PPP4R3A: variants seen among roughly 807,000 people sequenced by gnomAD.
PPP4R3A encodes the protein protein phosphatase 4 regulatory subunit 3A.
A neutral mutation model predicts 91.7 loss-of-function variants in PPP4R3A; 15 were observed. That is an observed-to-expected ratio of 0.16 (90% CI 0.11 to 0.25). The LOEUF is 0.25. PPP4R3A is among the 10% of genes least tolerant of loss of function. PPP4R3A has a pLI of 1.00. For missense variants in PPP4R3A, 623 were observed against 998.4 expected, an observed-to-expected ratio of 0.62 and a Z score of 5.07; for synonymous variants, 377 against 348.7, an observed-to-expected ratio of 1.08 and a Z score of -0.91.
chr14:91,458,089 A>T lies in PPP4R3A; in HGVS notation c.*670T>A, dbSNP rs1363408366. ...GCATACACTCAGGGGAGGAAAAAAAAAATCAAAAACAAAATAAAACAAAAA... is the reference window on the plus strand; with the variant it reads ...GCATACACTCAGGGGAGGAAAAAAATAATCAAAAACAAAATAAAACAAAAA... On this transcript the variant is annotated 3_prime_UTR_variant, in exon 15 of 15. Coordinates refer to ENST00000554943, the MANE Select transcript of PPP4R3A (RefSeq NM_001366432.2). 1 of 153,084 alleles carries T rather than the reference A, an allele frequency of 6.5e-6. No homozygotes were observed. The highest frequency in any genetic ancestry group is 1.5e-5 in the Non-Finnish European group (1 of 68,504). 9.5% of individuals were successfully genotyped at this position (153,084 alleles called of 1,614,324 possible). A position where few individuals can be genotyped will look rare whatever the true frequency, so the allele number is the denominator to read the frequency against.
chr14:91,510,089 G>T lies in PPP4R3A; in HGVS notation c.-442C>A. On this transcript the variant is annotated 5_prime_UTR_variant, in exon 1 of 15. Coordinates refer to ENST00000554943, the MANE Select transcript of PPP4R3A (RefSeq NM_001366432.2). ...CTTCCTTATACCTGGCCCTGCCACC[G>T]CGGCCAGTGGCTCCCTTCCGCTCCC... 3.6e-6 allele frequency: 1 copy of T among 276,076 alleles called. No homozygotes were observed. Among genetic ancestry groups the T allele is most frequent in the Non-Finnish European group, 5.5e-6 (1 of 180,428 alleles). The allele number at this position is 276,076 out of a possible 1,614,324, so 17.1% of individuals were successfully genotyped here.
chr14:91,481,429 A>G (rs1448509610), intron 4 of PPP4R3A, 147 bp downstream of exon 4: 2 of 826,956 alleles, frequency 2.4e-6, no homozygotes, highest in Non-Finnish European at 3.5e-6. Context: ...GTCTCGTATT[A>G]TTATTGTATA....
chr14:91,507,388 AG>A (rs1891388950), intron 1 of PPP4R3A, among the ~76,000 whole-genome samples: 1 of 83,794 alleles, frequency 1.2e-5, no homozygotes, highest in East Asian at 2.8e-4. Context: ...TATACTATAT[AG>A]TATATGTACT....
chr14:91,481,767 T>C lies in PPP4R3A; in HGVS notation c.724A>G (p.Lys242Glu). 6.2e-7 allele frequency: 1 copy of C among 1,613,712 alleles called. No homozygotes were observed. The highest frequency in any genetic ancestry group is 8.5e-7 in the Non-Finnish European group (1 of 1,179,910). The change falls in exon 4 of 15, where the codon AAA becomes GAA. Residue 242 changes from lysine to glutamate, a missense_variant. Lys to Glu is a moderately conservative substitution (Grantham distance 56, BLOSUM62 1). This residue lies in a region of PPP4R3A where 264 missense variants were observed against 377.3 expected (regional missense o/e 0.70). Transcript: ENST00000554943. ...QPRKHREFLTKTAKFKEVIPI... is the reference protein window; with the variant it reads ...QPRKHREFLTETAKFKEVIPI... ...ATCACTTCTTTAAACTTGGCTGTTT[T>C]TGTTAGAAATTCCCTGTGTTTTCGT...
rs1887908177 is a variant in PPP4R3A, at chr14:91,458,516, A to T, written c.*243T>A. 3.6e-6 allele frequency: 2 copies of T among 560,078 alleles called. No homozygotes were observed. The highest frequency in any genetic ancestry group is 6.4e-6 in the Non-Finnish European group (2 of 313,684). 34.7% of individuals were successfully genotyped at this position (560,078 alleles called of 1,614,324 possible). On this transcript the variant is annotated 3_prime_UTR_variant, in exon 15 of 15. Transcript: ENST00000554943. ...CTTTTTGTTTCCATTTCCTTCCCTG[A>T]GAAAAGGGCAATGTGTGGTCCAAGC...
chr14:91,461,645 C>T (rs1372478261), intron 13 of PPP4R3A, 38 bp from the exon 14 acceptor site: 1 of 1,581,742 alleles, frequency 6.3e-7, no homozygotes, highest in Non-Finnish European at 8.6e-7. Flanking sequence ...GTCCCCCATA[C>T]TTCTTTTTTA....
intron 9 of PPP4R3A, 92 bp downstream of exon 9, chr14:91,472,941 A>T: frequency 8.8e-7 from 1 of 1,141,832 alleles, no homozygotes; most frequent in Non-Finnish European, 1.3e-6. Context: ...TCTACCTCCC[A>T]CTAACTGCCT....
At position 91,476,439 on chromosome 14, in the gene PPP4R3A, A is replaced by G; in HGVS notation, c.1079T>C (p.Met360Thr). ...RDAFFKTLSN[M>T]GILPALEVIL... ...GACTTCTAAAGCTGGTAATATGCCCATGTTTGACAAAGTCTTGAAAAAAGC... is the reference window on the plus strand; with the variant it reads ...GACTTCTAAAGCTGGTAATATGCCCGTGTTTGACAAAGTCTTGAAAAAAGC... Residue 360 changes from methionine to threonine, a missense_variant, in exon 6 of 15, where the codon ATG (methionine) becomes ACG (threonine). Met to Thr is a moderately conservative substitution (Grantham distance 81). This residue lies in a region of PPP4R3A where 264 missense variants were observed against 377.3 expected (regional missense o/e 0.70). Coordinates refer to ENST00000554943, the MANE Select transcript of PPP4R3A (RefSeq NM_001366432.2). 6.2e-7 allele frequency: 1 copy of G among 1,612,216 alleles called. No homozygotes were observed. The highest frequency in any genetic ancestry group is 8.5e-7 in the Non-Finnish European group (1 of 1,179,498).
At chr14:91,463,446 T>A (rs916477428) in intron 11 of PPP4R3A, among the ~76,000 whole-genome samples, 6 of 152,078 alleles carry the variant, frequency 3.9e-5, no homozygotes, top group Admixed American at 3.9e-4. Flanking sequence ...GTATGTGTAT[T>A]TTTTAGAGAT....
At chr14:91,468,485 C>T (rs1392813204) in intron 10 of PPP4R3A, among the ~76,000 whole-genome samples, 5 of 151,904 alleles carry the variant, frequency 3.3e-5, no homozygotes, top group Non-Finnish European at 5.9e-5. Context: ...GCCTGACCAA[C>T]ATGGTGAAAC....
intron 10 of PPP4R3A, among the ~76,000 whole-genome samples, chr14:91,470,619 C>T (rs1888774482): frequency 6.6e-6 from 1 of 152,076 alleles, no homozygotes; most frequent in South Asian, 2.1e-4. Context: ...TGGAATATAA[C>T]ACTGTAGATA....
At chr14:91,480,636 T>C (rs1889499839) in intron 4 of PPP4R3A, among the ~76,000 whole-genome samples, 1 of 152,170 alleles carries the variant, frequency 6.6e-6, no homozygotes, top group African/African-American at 2.4e-5. Context: ...TGGTGACATT[T>C]CTCTTGGCTT....
chr14:91,491,633 T>C (rs2140136486), intron 1 of PPP4R3A, among the ~76,000 whole-genome samples: 1 of 150,514 alleles, frequency 6.6e-6, no homozygotes, highest in East Asian at 2.0e-4. Context: ...TCTCAATCTC[T>C]TGACCTCGTG....
Position 91,461,613 on chromosome 14 carries a change from A to C in PPP4R3A, c.2165-6T>G. The C allele has an allele frequency of 6.2e-7, 1 of 1,613,058 alleles. No homozygotes were observed. The highest frequency in any genetic ancestry group is 1.1e-5 in the South Asian group (1 of 91,010). ...CTTTTCCTCACTTTCTTTTACTAAA[A>C]ATGAGAATACTGTCAATAGTCGTCC... On this transcript the variant is annotated splice_polypyrimidine_tract_variant and splice_region_variant and intron_variant, in intron 13 of 14. Transcript: ENST00000554943.
At chr14:91,505,257 A>T (rs1047095066) in intron 1 of PPP4R3A, among the ~76,000 whole-genome samples, 5 of 152,102 alleles carry the variant, frequency 3.3e-5, no homozygotes, top group African/African-American at 1.2e-4. Flanking sequence ...GTTCAAGACC[A>T]GCCTGGCCAA....
At chr14:91,461,726 TC>T in intron 13 of PPP4R3A, 119 bp from the exon 14 acceptor site, 1 of 1,052,442 alleles carries the variant, frequency 9.5e-7, no homozygotes, top group Non-Finnish European at 1.4e-6. Flanking sequence ...ACATTGAAGT[TC>T]AATTTATAAA....
Position 91,476,916 on chromosome 14 carries a change from T to C in PPP4R3A, c.986A>G (p.Gln329Arg). The C allele has an allele frequency of 1.9e-6, 3 of 1,594,170 alleles. No individual in the cohort carries two copies. Among genetic ancestry groups the C allele is most frequent in the Non-Finnish European group, 2.6e-6 (3 of 1,168,818 alleles). ...TAGTATCTAATTTCTTACCAATTCC[T>C]GTCTTTTTTCCTCATCTGTTGCTTC... is the stretch of plus-strand genomic sequence containing the variant. Reference protein sequence around the residue: ...TDEATDEEKRQELVNFLKEFC... With the variant: ...TDEATDEEKRRELVNFLKEFC... Residue 329 changes from glutamine (Q) to arginine (R), a missense_variant, in exon 5 of 15, where the codon CAG becomes CGG. Transcript: ENST00000554943.
rs537301966 is a variant in PPP4R3A, at chr14:91,508,839, A to G, written c.142+667T>C. Among the ~76,000 whole-genome samples the G allele has an allele frequency of 2.4e-4, 36 of 152,354 alleles. No individual in the cohort carries two copies. The East Asian group carries it at 6.8e-3, about 29-fold the overall frequency. ...CCATTTAAGCAATCAAAAAAAGCTC[A>G]TATGATTCCAACTTTGCAAGATGTT... On this transcript the variant is annotated intron_variant, in intron 1 of 14. Transcript: ENST00000554943.
intron 4 of PPP4R3A, among the ~76,000 whole-genome samples, chr14:91,481,238 G>A (rs1889538024): frequency 6.6e-6 from 1 of 152,114 alleles, no homozygotes; most frequent in Non-Finnish European, 1.5e-5. Flanking sequence ...AGGCTGCAGT[G>A]GGAGGATTGT....
Sources: gnomAD v4.1 joint callset for allele counts (sites outside exome capture counted in the v4.1 genomes callset) on GRCh38, gnomAD v4.1.1 for gene constraint, gnomAD v4.1.1 regional missense constraint, MANE v1.5 for transcripts, NCBI Gene and HGNC (gene_info 2026-07-23, HGNC 2026-07-21) for gene names.